CDH12: variants seen among roughly 807,000 people sequenced by gnomAD.
The protein encoded by CDH12 is cadherin-12.
A neutral mutation model predicts 74.1 loss-of-function variants in CDH12; 41 were observed. The observed-to-expected ratio is 0.55, with a 90% CI of 0.43 to 0.72. The LOEUF (loss-of-function observed/expected upper bound fraction) is 0.72. CDH12 is among the 30% of genes least tolerant of loss of function. The probability of loss-of-function intolerance (pLI) is 0.00; values close to 1 mark genes in which losing one functional copy is unlikely to be tolerated. For synonymous variants in CDH12, 399 were observed against 355.0 expected (o/e 1.12, Z -1.39); for missense variants, 945 against 977.2 (o/e 0.97, Z 0.44).
At chr5:22,338,893 T>C (rs570176934) in intron 3 of CDH12, among the ~76,000 whole-genome samples, 38 of 152,204 alleles carry the variant, frequency 2.5e-4, no homozygotes, top group Non-Finnish European at 5.0e-4. Context: ...AGGGAACAAA[T>C]GGGACCTCCA....
chr5:22,221,747 T>C (rs1265484074), intron 3 of CDH12, among the ~76,000 whole-genome samples: 1 of 151,950 alleles, frequency 6.6e-6, no homozygotes, highest in African/African-American at 2.4e-5. Flanking sequence ...TCTAAAGATA[T>C]ATTATTTATT....
rs376889269 is a variant in CDH12, at chr5:22,669,095, A to AT, written c.-522-163732dup. ...CTCTGGCTGATGAAAATAAAATTAC[A>AT]TTTTTTTTTCCTTTAGCCATTTTTC... On this transcript the variant is annotated intron_variant, in intron 1 of 14. Coordinates refer to ENST00000382254, the MANE Select transcript of CDH12 (RefSeq NM_004061.5). 2.3e-4 allele frequency among the ~76,000 whole-genome samples: 35 copies of AT among 151,146 alleles called. No homozygotes were observed. In the East Asian group the frequency reaches 3.3e-3, roughly 14 times the overall value.
intron 2 of CDH12, among the ~76,000 whole-genome samples, chr5:22,456,370 G>C (rs909942946): frequency 2.6e-5 from 4 of 151,766 alleles, no homozygotes; most frequent in Non-Finnish European, 4.4e-5. Context: ...ATTGACTCCT[G>C]TACACTATTG....
intron 6 of CDH12, among the ~76,000 whole-genome samples, chr5:21,920,996 A>G (rs1754326724): frequency 6.6e-6 from 1 of 152,202 alleles, no homozygotes; most frequent in Non-Finnish European, 1.5e-5. Flanking sequence ...TCTTAATTCT[A>G]CATCTGCTGC....
chr5:22,816,799 T>A (rs942059543), intron 1 of CDH12, among the ~76,000 whole-genome samples: 1 of 152,142 alleles, frequency 6.6e-6, no homozygotes, highest in Non-Finnish European at 1.5e-5. Flanking sequence ...TTTCTGTGTG[T>A]CTATCCACTG....
chr5:21,798,867 G>C (rs922198015), intron 10 of CDH12, among the ~76,000 whole-genome samples: 5 of 152,142 alleles, frequency 3.3e-5, no homozygotes, highest in African/African-American at 1.2e-4. Flanking sequence ...AAGTGACTAA[G>C]ACAGACATTG....
At chr5:22,267,443 T>C (rs772540542) in intron 3 of CDH12, among the ~76,000 whole-genome samples, 6 of 152,186 alleles carry the variant, frequency 3.9e-5, no homozygotes, top group Non-Finnish European at 7.4e-5. Context: ...TTATTCTAGA[T>C]TGATATAGAC....
intron 5 of CDH12, among the ~76,000 whole-genome samples, chr5:22,020,414 C>G (rs1446873830): frequency 2.6e-5 from 4 of 151,966 alleles, no homozygotes; most frequent in Admixed American, 2.0e-4. Context: ...ACTAGCCAGA[C>G]ATGGTGGTGC....
At chr5:22,090,821 A>G (rs1743373398) in intron 4 of CDH12, among the ~76,000 whole-genome samples, 1 of 152,080 alleles carries the variant, frequency 6.6e-6, no homozygotes, top group Non-Finnish European at 1.5e-5. Context: ...TAAAGAAGAA[A>G]CAAAACAAAC....
chr5:22,544,721 G>T (rs999389055), intron 1 of CDH12, among the ~76,000 whole-genome samples: 8 of 151,690 alleles, frequency 5.3e-5, no homozygotes, highest in African/African-American at 1.9e-4. Flanking sequence ...AGAGGCTGAA[G>T]AACAAGCACT....
chr5:21,840,525 C>G (rs909140670), intron 8 of CDH12, among the ~76,000 whole-genome samples: 1 of 150,692 alleles, frequency 6.6e-6, no homozygotes, highest in African/African-American at 2.5e-5. Flanking sequence ...CATATGGAAC[C>G]AAAAAAGAGC....
chr5:22,817,746 C>A (rs1442471), intron 1 of CDH12, among the ~76,000 whole-genome samples: 60,825 of 151,870 alleles, frequency 0.4, 13,043 homozygotes, highest in Admixed American at 0.49. Flanking sequence ...GACTAATAGG[C>A]AAGAGCTGTT....
chr5:22,505,008 G>T (rs1326955884), intron 2 of CDH12, among the ~76,000 whole-genome samples: 2 of 151,258 alleles, frequency 1.3e-5, no homozygotes, highest in African/African-American at 2.4e-5. Context: ...AAACTGTGAG[G>T]AAAAATAAAA....
intron 4 of CDH12, among the ~76,000 whole-genome samples, chr5:22,106,398 A>G (rs768557377): frequency 3.9e-5 from 6 of 152,212 alleles, no homozygotes; most frequent in Non-Finnish European, 8.8e-5. Context: ...ATACAGGATA[A>G]GGTAGATATT....
chr5:21,941,059 C>T (rs1006421490), intron 6 of CDH12, among the ~76,000 whole-genome samples: 202 of 152,256 alleles, frequency 1.3e-3, no homozygotes, highest in African/African-American at 4.5e-3. Flanking sequence ...TCAAAAGGAA[C>T]TGAAAATCTA....
At chr5:22,400,464 T>C (rs982920846) in intron 3 of CDH12, among the ~76,000 whole-genome samples, 2 of 151,996 alleles carry the variant, frequency 1.3e-5, no homozygotes, top group Non-Finnish European at 2.9e-5. Context: ...TTTTTTTTAA[T>C]GTTTTATTTT....
intron 6 of CDH12, among the ~76,000 whole-genome samples, chr5:21,918,552 C>T (rs574394449): frequency 2.0e-5 from 3 of 152,146 alleles, no homozygotes; most frequent in African/African-American, 7.2e-5. Context: ...GGAAGCAAGG[C>T]ACCTTCTTCA....
chr5:22,572,786 C>G (rs116042652), intron 1 of CDH12, among the ~76,000 whole-genome samples: 2,844 of 152,190 alleles, frequency 0.019, 33 homozygotes, highest in Non-Finnish European at 0.029. Context: ...ATAAATAGTT[C>G]TATATTCTAT....
intron 8 of CDH12, among the ~76,000 whole-genome samples, chr5:21,838,896 G>T (rs1445536018): frequency 6.6e-6 from 1 of 152,180 alleles, no homozygotes; most frequent in East Asian, 1.9e-4. Context: ...CACATGGATT[G>T]CATTCTTCCA....
Sources: gnomAD v4.1 joint callset for allele counts (sites outside exome capture counted in the v4.1 genomes callset) on GRCh38, gnomAD v4.1.1 for gene constraint, MANE v1.5 for transcripts, NCBI Gene and HGNC (gene_info 2026-07-23, HGNC 2026-07-21) for gene names.